The following DMD variants were observed in gnomAD, a reference collection of about 807,000 sequenced individuals.
The protein encoded by DMD is mutant dystrophin.
A neutral mutation model predicts 330.1 loss-of-function variants in DMD; 63 were observed. The ratio of observed to expected loss-of-function variants is 0.19; its 90% CI spans 0.16 to 0.24. The LOEUF (loss-of-function observed/expected upper bound fraction) is 0.24. DMD is among the 10% of genes least tolerant of loss of function. The pLI is 1.00. For synonymous variants in DMD, 1,223 were observed against 959.8 expected, an observed-to-expected ratio of 1.27 and a Z score of -5.07; for missense variants, 3,344 against 2,684.1, an observed-to-expected ratio of 1.25 and a Z score of -5.43.
intron 44 of DMD, among the ~76,000 whole-genome samples, chrX:32,215,233 T>TG (rs2097108091): frequency 9.0e-6 from 1 of 111,317 alleles, no homozygotes; most frequent in Non-Finnish European, 1.9e-5. Flanking sequence ...CAGTGAGTAG[T>TG]GGGGCACTTT....
At chrX:32,279,379 T>C (rs757568659) in intron 43 of DMD, among the ~76,000 whole-genome samples, 4 of 111,704 alleles carry the variant, frequency 3.6e-5, no homozygotes, top group Non-Finnish European at 7.5e-5. Flanking sequence ...GTTGAAGCAC[T>C]GTTCATAATA....
At chrX:33,296,236 A>G (rs1465633600) in intron 1 of DMD, among the ~76,000 whole-genome samples, 1 of 111,095 alleles carries the variant, frequency 9.0e-6, no homozygotes, top group Non-Finnish European at 1.9e-5. Context: ...AAAGTAATCC[A>G]TTGTGGTGAT....
chrX:32,336,011 TA>T (rs1320632311), intron 41 of DMD, among the ~76,000 whole-genome samples: 1 of 95,355 alleles, frequency 1.0e-5, no homozygotes, highest in East Asian at 3.2e-4. Context: ...TAACGTTATA[TA>T]TAACGTGTAT....
chrX:32,199,897 T>C (rs984434873), intron 44 of DMD, among the ~76,000 whole-genome samples: 1 of 108,380 alleles, frequency 9.2e-6, no homozygotes, highest in African/African-American at 3.4e-5. Flanking sequence ...CAAGCAATAC[T>C]CTCGCCCCAG....
rs777025631 is a variant in DMD at position 31,936,551 on chromosome X, CTG to C, written c.6615-4326_6615-4325del. Among the ~76,000 whole-genome samples the C allele has an allele frequency of 3.6e-5, 4 of 111,230 alleles. No homozygotes were observed. The South Asian group carries it at 1.5e-3, about 41-fold the overall frequency. ...CGGCAATGTCTGTTGCCCATTTTTCCTGTGTTTTCCTATTTTTAAGAGCTCTT... is the reference window on the plus strand; with the variant it reads ...CGGCAATGTCTGTTGCCCATTTTTCCTGTTTTCCTATTTTTAAGAGCTCTT... On this transcript the variant is annotated intron_variant, in intron 45 of 78. Coordinates refer to ENST00000357033, the MANE Select transcript of DMD (RefSeq NM_004006.3).
chrX:33,318,255 T>A lies in DMD; in HGVS notation c.7+21004A>T, dbSNP rs149249003. Among the ~76,000 whole-genome samples, 433 of 110,721 alleles carry A rather than the reference T, an allele frequency of 3.9e-3. 1 individual carries two copies. Among genetic ancestry groups the A allele is most frequent in the African/African-American group, 0.014 (420 of 30,532 alleles). ...ATGAATAAACAGATATATATATGAT[T>A]TGATGAGTTAAGAATAATTGGGTCC... is the stretch of plus-strand genomic sequence containing the variant. On this transcript the variant is annotated intron_variant, in intron 1 of 17. Transcript: ENST00000288447.
At chrX:31,801,591 CAA>C (rs751693015) in intron 50 of DMD, among the ~76,000 whole-genome samples, 1,576 of 67,576 alleles carry the variant, frequency 0.023, 23 homozygotes, top group Middle Eastern at 0.061. Context: ...CCCCCCCCCC[CAA>C]CACACACACA....
intron 44 of DMD, among the ~76,000 whole-genome samples, chrX:32,200,823 C>G (rs1361841466): frequency 3.6e-5 from 4 of 111,723 alleles, no homozygotes; most frequent in African/African-American, 1.3e-4. Context: ...TTTAAGAGCT[C>G]AGTATCTTAT....
intron 62 of DMD, among the ~76,000 whole-genome samples, chrX:31,278,803 A>T (rs1442582217): frequency 4.5e-5 from 5 of 112,077 alleles, no homozygotes; most frequent in African/African-American, 1.3e-4. Context: ...TGTGTGCCTG[A>T]CAGAATGGTC....
intron 43 of DMD, among the ~76,000 whole-genome samples, chrX:32,254,936 A>G (rs951265495): frequency 8.9e-6 from 1 of 111,783 alleles, no homozygotes; most frequent in African/African-American, 3.3e-5. Flanking sequence ...ACCACCATCT[A>G]TCTCCAAAAC....
In DMD at chrX:31,664,043, G is replaced by A. The variant is rs143896817; in HGVS notation, c.7873-5899C>T. Among the ~76,000 whole-genome samples the A allele has an allele frequency of 8.5e-4, 95 of 111,598 alleles. No individual in the cohort carries two copies. The East Asian group carries it at 0.025, about 29-fold the overall frequency. On this transcript the variant is annotated intron_variant, in intron 53 of 78. Coordinates refer to ENST00000357033, the MANE Select transcript of DMD (RefSeq NM_004006.3). ...TAAGTAACTCTGAAATTCTTCCTACGAAAGACAGCATGCCCTTGACATTGA... is the reference window on the plus strand; with the variant it reads ...TAAGTAACTCTGAAATTCTTCCTACAAAAGACAGCATGCCCTTGACATTGA...
intron 19 of DMD, among the ~76,000 whole-genome samples, chrX:32,501,542 A>C (rs1256427105): frequency 9.0e-6 from 1 of 111,709 alleles, no homozygotes; most frequent in Admixed American, 9.5e-5. Context: ...AAAATATTCT[A>C]CCACATCCCA....
intron 50 of DMD, among the ~76,000 whole-genome samples, chrX:31,795,888 T>C (rs2091804374): frequency 8.9e-6 from 1 of 112,101 alleles, no homozygotes; most frequent in African/African-American, 3.2e-5. Flanking sequence ...AAGAGCCTAT[T>C]ATGACAAATG....
rs373041596 is a variant in DMD at position 31,897,071 on chromosome X, C to G, written c.6913-21698G>C. On this transcript the variant is annotated intron_variant, in intron 47 of 78. Coordinates refer to ENST00000357033, the MANE Select transcript of DMD (RefSeq NM_004006.3). The stretch of plus-strand genomic sequence containing the variant: ...ATATCTCCCAATGCTATCCCTCCCC[C>G]CTTCCCCCACCCCACAACAGTCCCC... Among the ~76,000 whole-genome samples, 74 of 110,257 alleles carry G rather than the reference C, an allele frequency of 6.7e-4. No homozygotes were observed. The South Asian group carries it at 0.027, about 40-fold the overall frequency.
intron 2 of DMD, among the ~76,000 whole-genome samples, chrX:32,947,987 G>A (rs2090936651): frequency 9.0e-6 from 1 of 111,224 alleles, no homozygotes; most frequent in Non-Finnish European, 1.9e-5. Flanking sequence ...CCTTAAGCTG[G>A]TTGTACAAAG....
chrX:33,243,395 A>T (rs2052618828), intron 1 of DMD, among the ~76,000 whole-genome samples: 2 of 112,142 alleles, frequency 1.8e-5, no homozygotes, highest in Admixed American at 1.9e-4. Context: ...ATAAACAAAA[A>T]AATCTCCACA....
At chrX:31,829,453 T>TA (rs751852041) in intron 49 of DMD, among the ~76,000 whole-genome samples, 13,220 of 97,827 alleles carry the variant, frequency 0.14, 597 homozygotes, top group Admixed American at 0.19. Flanking sequence ...AAATTAAAAA[T>TA]AAAAAAAAAT....
chrX:33,045,315 T>TACGTACACACACACAC (rs1557230631), intron 1 of DMD, among the ~76,000 whole-genome samples: 6 of 96,725 alleles, frequency 6.2e-5, no homozygotes, highest in African/African-American at 1.5e-4. Context: ...CACAGGTGCG[T>TACGTACACACACACAC]ACACACACAC....
chrX:31,679,871 A>G (rs2082280143), intron 52 of DMD, among the ~76,000 whole-genome samples: 1 of 111,982 alleles, frequency 8.9e-6, no homozygotes, highest in Non-Finnish European at 1.9e-5. Flanking sequence ...CTGTTAGAAA[A>G]GCACTACAGC....
Sources: allele counts gnomAD v4.1 joint callset (sites outside exome capture counted in the v4.1 genomes callset), GRCh38; gene constraint gnomAD v4.1.1; transcripts MANE v1.5; gene names NCBI Gene and HGNC (gene_info 2026-07-23, HGNC 2026-07-21).